The following OPCML variants were observed in gnomAD, a reference collection of about 807,000 sequenced individuals.
OPCML encodes opioid-binding protein/cell adhesion molecule.
A neutral mutation model predicts 37.8 loss-of-function variants in OPCML; 13 were observed. The ratio of observed to expected loss-of-function variants is 0.34; its 90% CI spans 0.22 to 0.55. The LOEUF (loss-of-function observed/expected upper bound fraction) is 0.55, where lower values mean the gene tolerates loss of function less well. Ranked by LOEUF, OPCML falls within the 20% of genes least tolerant of loss-of-function variation. The pLI, the probability that OPCML is intolerant of heterozygous loss-of-function variation, is 0.91. For missense variants in OPCML, 341 were observed against 435.6 expected, an observed-to-expected ratio of 0.78 and a Z score of 1.93; for synonymous variants, 176 against 168.8, an observed-to-expected ratio of 1.04 and a Z score of -0.33.
At chr11:133,459,332 A>G (rs1023232256) in intron 1 of OPCML, among the ~76,000 whole-genome samples, 3 of 152,118 alleles carry the variant, frequency 2.0e-5, no homozygotes, top group African/African-American at 7.2e-5. Context: ...AAAGGCTCTA[A>G]GACATACAGC....
chr11:133,085,571 A>C (rs1215628691), intron 1 of OPCML, among the ~76,000 whole-genome samples: 1 of 152,236 alleles, frequency 6.6e-6, no homozygotes, highest in African/African-American at 2.4e-5. Context: ...TTAACTAAGA[A>C]GGCAGTGGTG....
At chr11:133,200,521 G>C (rs1938728420) in intron 1 of OPCML, among the ~76,000 whole-genome samples, 1 of 152,108 alleles carries the variant, frequency 6.6e-6, no homozygotes, top group Non-Finnish European at 1.5e-5. Context: ...TGTGCTTTTA[G>C]AGGTGGTTTT....
At chr11:133,126,446 T>G (rs1448100426) in intron 1 of OPCML, among the ~76,000 whole-genome samples, 1 of 152,146 alleles carries the variant, frequency 6.6e-6, no homozygotes, top group African/African-American at 2.4e-5. Flanking sequence ...TCACCAGCTA[T>G]CTGGCATCTT....
chr11:132,889,677 C>T (rs932307159), intron 2 of OPCML, among the ~76,000 whole-genome samples: 2 of 152,186 alleles, frequency 1.3e-5, no homozygotes, highest in African/African-American at 4.8e-5. Flanking sequence ...TGTCTTCCAA[C>T]TCCATGGTTT....
chr11:132,693,791 T>G (rs1943495637), intron 2 of OPCML, among the ~76,000 whole-genome samples: 1 of 152,230 alleles, frequency 6.6e-6, no homozygotes, highest in Non-Finnish European at 1.5e-5. Flanking sequence ...TCATTTTCCT[T>G]TAGAAATTGA....
chr11:133,249,727 C>T (rs1429439571), intron 1 of OPCML, among the ~76,000 whole-genome samples: 3 of 152,186 alleles, frequency 2.0e-5, no homozygotes, highest in Non-Finnish European at 4.4e-5. Context: ...AGATGTGATT[C>T]GAAGAAGACA....
At chr11:133,401,630 A>T (rs1357237654) in intron 1 of OPCML, among the ~76,000 whole-genome samples, 1 of 152,116 alleles carries the variant, frequency 6.6e-6, no homozygotes, top group Non-Finnish European at 1.5e-5. Flanking sequence ...TATTGATGGG[A>T]TTGGTTTTAA....
intron 3 of OPCML, among the ~76,000 whole-genome samples, chr11:132,576,302 T>A (rs946559627): frequency 3.9e-5 from 6 of 152,058 alleles, no homozygotes; most frequent in African/African-American, 7.2e-5. Flanking sequence ...TCCTTTAAGT[T>A]TTTTTTAAAC....
intron 2 of OPCML, among the ~76,000 whole-genome samples, chr11:132,881,566 G>A (rs1020096455): frequency 2.6e-5 from 4 of 151,796 alleles, no homozygotes; most frequent in East Asian, 1.9e-4. Context: ...TCTACTCTAC[G>A]GTTTTAGGGC....
At chr11:132,813,018 T>C (rs191103911) in intron 2 of OPCML, among the ~76,000 whole-genome samples, 51 of 152,344 alleles carry the variant, frequency 3.3e-4, no homozygotes, top group African/African-American at 9.4e-4. Flanking sequence ...GTAAAACTTA[T>C]AAACTTTCAA....
intron 7 of OPCML, among the ~76,000 whole-genome samples, chr11:132,428,386 C>T (rs186254270): frequency 1.6e-4 from 24 of 152,260 alleles, no homozygotes; most frequent in East Asian, 3.9e-4. Flanking sequence ...TACTGGGCAA[C>T]GCTCACTGGA....
chr11:133,255,310 C>T (rs1249439831), intron 1 of OPCML, among the ~76,000 whole-genome samples: 1 of 152,116 alleles, frequency 6.6e-6, no homozygotes, highest in African/African-American at 2.4e-5. Flanking sequence ...CAGGGAAGGT[C>T]AGGGCATGGC....
chr11:132,882,607 CTA>C (rs1555202690), intron 2 of OPCML, among the ~76,000 whole-genome samples: 1 of 152,174 alleles, frequency 6.6e-6, no homozygotes, highest in Non-Finnish European at 1.5e-5. Flanking sequence ...GAAGCACTCT[CTA>C]TGTGTTAGCA....
At chr11:132,436,607 G>A (rs1156967110) in intron 6 of OPCML, 52 bp downstream of exon 6, 4 of 1,604,118 alleles carry the variant, frequency 2.5e-6, no homozygotes, top group South Asian at 1.1e-5. Flanking sequence ...CCCATGTGGG[G>A]ATAGACCATC....
intron 2 of OPCML, among the ~76,000 whole-genome samples, chr11:132,690,444 C>T (rs527528177): frequency 5.9e-5 from 9 of 152,244 alleles, no homozygotes; most frequent in Non-Finnish European, 8.8e-5. Flanking sequence ...TTATCATCTC[C>T]GAGTGCCTAT....
At chr11:133,074,170 C>T (rs774535347) in intron 1 of OPCML, among the ~76,000 whole-genome samples, 1 of 152,186 alleles carries the variant, frequency 6.6e-6, no homozygotes, top group Non-Finnish European at 1.5e-5. Flanking sequence ...CTACTTGAAA[C>T]ATCTATATCT....
chr11:133,213,593 C>T (rs914003333), intron 1 of OPCML, among the ~76,000 whole-genome samples: 12 of 152,172 alleles, frequency 7.9e-5, no homozygotes, highest in African/African-American at 2.4e-4. Flanking sequence ...TCTCATAGCT[C>T]CTGTCCTTGT....
chr11:133,127,353 C>T (rs187421707), intron 1 of OPCML, among the ~76,000 whole-genome samples: 16 of 152,100 alleles, frequency 1.1e-4, no homozygotes, highest in East Asian at 3.9e-4. Context: ...TTATCTTGGC[C>T]GGGCATGGAA....
chr11:133,493,652 T>C (rs1483167428), intron 1 of OPCML, among the ~76,000 whole-genome samples: 1 of 152,208 alleles, frequency 6.6e-6, no homozygotes, highest in East Asian at 1.9e-4. Flanking sequence ...TTAGTGGACA[T>C]CATTGCAGTC....
Sources: allele counts gnomAD v4.1 joint callset (sites outside exome capture counted in the v4.1 genomes callset), GRCh38; gene constraint gnomAD v4.1.1; transcripts MANE v1.5; gene names NCBI Gene and HGNC (gene_info 2026-07-23, HGNC 2026-07-21).